Variants in RPGRIP1L observed in about 807,000 individuals in gnomAD.
The protein encoded by RPGRIP1L is protein fantom.
In RPGRIP1L, 131 loss-of-function variants were observed where a neutral mutation model predicts 160.4. The observed-to-expected ratio is 0.82, with a 90% CI of 0.71 to 0.94. The LOEUF is 0.94. Ranked by LOEUF, RPGRIP1L falls within the 40% of genes least tolerant of loss-of-function variation. The pLI is 0.00. For missense variants in RPGRIP1L, 1,522 were observed against 1,535.8 expected, an observed-to-expected ratio of 0.99 and a Z score of 0.15; for synonymous variants, 510 against 515.8, an observed-to-expected ratio of 0.99 and a Z score of 0.15.
chr16:53,646,642 C>A (rs1966568137), intron 16 of RPGRIP1L, among the ~76,000 whole-genome samples: 3 of 152,102 alleles, frequency 2.0e-5, no homozygotes, highest in African/African-American at 7.2e-5. Flanking sequence ...GGACGGCACA[C>A]AGATATTTTA....
chr16:53,623,209 T>A (rs968299771), intron 22 of RPGRIP1L, among the ~76,000 whole-genome samples: 2 of 152,122 alleles, frequency 1.3e-5, no homozygotes, highest in African/African-American at 4.8e-5. Context: ...AGGTAGCAAT[T>A]TGACAGAACA....
In RPGRIP1L at chr16:53,600,940, A is replaced by G. The variant is rs1455553077; in HGVS notation, c.*1136T>C. ...TTTACATATGCTTAAGAAGGAACAT[A>G]GCCTGTTTGCAAACAGTGAAAACCC... On this transcript the variant is annotated 3_prime_UTR_variant, in exon 27 of 27. Transcript: ENST00000647211. 6.5e-6 allele frequency: 1 copy of G among 152,688 alleles called. No individual in the cohort carries two copies. Among genetic ancestry groups the G allele is most frequent in the African/African-American group, 2.4e-5 (1 of 41,470 alleles). 9.5% of individuals were successfully genotyped at this position (152,688 alleles called of 1,614,324 possible).
chr16:53,615,663 G>A (rs1187138704), intron 24 of RPGRIP1L, among the ~76,000 whole-genome samples: 1 of 151,512 alleles, frequency 6.6e-6, no homozygotes, highest in Non-Finnish European at 1.5e-5. Flanking sequence ...TAGTAGAGAT[G>A]GGGTTTCACC....
At chr16:53,606,008 C>T (rs944684485) in intron 25 of RPGRIP1L, among the ~76,000 whole-genome samples, 3 of 152,138 alleles carry the variant, frequency 2.0e-5, no homozygotes, top group Non-Finnish European at 2.9e-5. Context: ...TCCATAGAAA[C>T]GTAACATTTC....
chr16:53,645,412 TTAAG>T (rs1170240004), intron 17 of RPGRIP1L, among the ~76,000 whole-genome samples: 5 of 151,960 alleles, frequency 3.3e-5, no homozygotes, highest in African/African-American at 1.2e-4. Flanking sequence ...TTTAATTCCA[TTAAG>T]TTAGTATTAA....
At chr16:53,611,420 A>C (rs549439204) in intron 24 of RPGRIP1L, among the ~76,000 whole-genome samples, 12 of 152,340 alleles carry the variant, frequency 7.9e-5, no homozygotes, top group African/African-American at 2.9e-4. Flanking sequence ...AGCAAGTGAT[A>C]ATGATAATGT....
chr16:53,611,170 T>C, intron 24 of RPGRIP1L, 119 bp from the exon 25 acceptor site: 1 of 724,814 alleles, frequency 1.4e-6, no homozygotes. Context: ...CCACCTCACT[T>C]GCATGCCTGG....
At chr16:53,691,932 A>T (rs555271149) in intron 4 of RPGRIP1L, 134 bp downstream of exon 4, 1 of 826,312 alleles carries the variant, frequency 1.2e-6, no homozygotes, top group Non-Finnish European at 2.0e-6. Context: ...TTATTTTATC[A>T]AAGTAAAAAA....
intron 1 of RPGRIP1L, 162 bp downstream of exon 1, chr16:53,703,641 T>G: frequency 5.2e-6 from 1 of 191,280 alleles, no homozygotes; most frequent in Non-Finnish European, 1.1e-5. Flanking sequence ...GATGTGGAGG[T>G]GTCTTGGGCT....
intron 22 of RPGRIP1L, among the ~76,000 whole-genome samples, chr16:53,624,500 C>T (rs1323684387): frequency 2.0e-5 from 3 of 151,364 alleles, no homozygotes; most frequent in Admixed American, 6.6e-5. Context: ...GCTGAGATTG[C>T]GCCACTGCAC....
At chr16:53,691,646 T>C (rs1340825858) in intron 4 of RPGRIP1L, among the ~76,000 whole-genome samples, 1 of 152,250 alleles carries the variant, frequency 6.6e-6, no homozygotes, top group African/African-American at 2.4e-5. Flanking sequence ...GCTACCGCCA[T>C]CCAATGAGAA....
At position 53,618,998 on chromosome 16, in the gene RPGRIP1L, T is replaced by A. The variant is rs778485323; in HGVS notation, c.3616+27A>T. On this transcript the variant is annotated intron_variant, in intron 24 of 26. Transcript: ENST00000647211. ...TAAATAAAAAAGACAAACATAAAAG[T>A]CTATATTACAAATGAATCATACATA... The A allele has an allele frequency of 1.3e-5, 20 of 1,551,650 alleles. No homozygotes were observed. In the Admixed American group the frequency reaches 3.3e-4, roughly 26 times the overall value.
intron 6 of RPGRIP1L, among the ~76,000 whole-genome samples, chr16:53,677,026 C>T (rs191903765): frequency 6.6e-6 from 1 of 152,236 alleles, no homozygotes; most frequent in African/African-American, 2.4e-5. Flanking sequence ...TCCATTCGGG[C>T]ACATAGGGTG....
chr16:53,685,622 C>T (rs772271567), intron 6 of RPGRIP1L, among the ~76,000 whole-genome samples: 3 of 150,986 alleles, frequency 2.0e-5, no homozygotes, highest in East Asian at 2.0e-4. Context: ...CCAAACACTG[C>T]GTGTTCTCAC....
At chr16:53,648,468 T>C (rs750465428) in intron 16 of RPGRIP1L, among the ~76,000 whole-genome samples, 13 of 152,234 alleles carry the variant, frequency 8.5e-5, no homozygotes, top group Non-Finnish European at 1.8e-4. Flanking sequence ...ATTGTGATGA[T>C]TAATTTTTCA....
intron 17 of RPGRIP1L, among the ~76,000 whole-genome samples, chr16:53,642,066 A>C (rs1966254131): frequency 6.6e-6 from 1 of 152,164 alleles, no homozygotes; most frequent in Admixed American, 6.5e-5. Context: ...ACCATCTACA[A>C]CAAATAGCAG....
intron 16 of RPGRIP1L, among the ~76,000 whole-genome samples, chr16:53,646,623 T>C (rs1966566641): frequency 6.6e-6 from 1 of 152,166 alleles, no homozygotes; most frequent in Non-Finnish European, 1.5e-5. Flanking sequence ...TTGGAACTAT[T>C]ATGGAGATGG....
At position 53,605,360 on chromosome 16, in the gene RPGRIP1L, T is replaced by G; in HGVS notation, c.3835+121A>C. ...TTCACCAAAGCGTCAACTTGAGTTG[T>G]AAAGGATTCAAGTAACGTGTGACTC... On this transcript the variant is annotated intron_variant, in intron 26 of 26. Coordinates refer to ENST00000647211, the MANE Select transcript of RPGRIP1L (RefSeq NM_015272.5). 2.7e-6 allele frequency: 3 copies of G among 1,109,484 alleles called. No individual in the cohort carries two copies. The Admixed American group carries it at 5.1e-5, about 19-fold the overall frequency. The allele number at this position is 1,109,484 out of a possible 1,614,324, so 68.7% of individuals were successfully genotyped here.
chr16:53,636,976 ACACACACACACT>A, intron 21 of RPGRIP1L, among the ~76,000 whole-genome samples: 1 of 150,144 alleles, frequency 6.7e-6, no homozygotes, highest in African/African-American at 2.5e-5. Context: ...ACACACACAC[ACACACACACACT>A]CTTTAATTAC....
Sources: allele counts gnomAD v4.1 joint callset (sites outside exome capture counted in the v4.1 genomes callset), GRCh38; gene constraint gnomAD v4.1.1; transcripts MANE v1.5; gene names NCBI Gene and HGNC (gene_info 2026-07-23, HGNC 2026-07-21).